The following SNX29 variants were observed in gnomAD, a reference collection of about 807,000 sequenced individuals.
The protein encoded by SNX29 is sorting nexin 29.
In SNX29, 78 loss-of-function variants were observed where a neutral mutation model predicts 102.1. The observed-to-expected ratio is 0.76, with a 90% CI of 0.64 to 0.92. The LOEUF is 0.92. Ranked by LOEUF, SNX29 falls within the 40% of genes least tolerant of loss-of-function variation. The pLI is 0.00. For synonymous variants in SNX29, 580 were observed against 414.5 expected (o/e 1.40, Z -4.85); for missense variants, 1,280 against 1,061.7 (o/e 1.21, Z -2.86).
At chr16:12,214,324 C>G (rs146365230) in intron 14 of SNX29, among the ~76,000 whole-genome samples, 1 of 152,188 alleles carries the variant, frequency 6.6e-6, no homozygotes, top group Non-Finnish European at 1.5e-5. Flanking sequence ...TTATTGTTGT[C>G]GTCATTAACT....
At position 12,569,584 on chromosome 16, in the gene SNX29, C is replaced by T. The variant is rs1237252091; in HGVS notation, c.*955C>T. 5 of 230,266 alleles carry T rather than the reference C, an allele frequency of 2.2e-5. No homozygotes were observed. Among genetic ancestry groups the T allele is most frequent in the Admixed American group, 5.7e-5 (1 of 17,650 alleles). 14.3% of individuals were successfully genotyped at this position (230,266 alleles called of 1,614,324 possible). A position where few individuals can be genotyped will look rare whatever the true frequency, so the allele number is the denominator to read the frequency against. ...GTGTCTCTCCACTAAAAACATTTTCCATCCCGTCTGCCCCCGACATTGTCC... is the reference window on the plus strand; with the variant it reads ...GTGTCTCTCCACTAAAAACATTTTCTATCCCGTCTGCCCCCGACATTGTCC... On this transcript the variant is annotated 3_prime_UTR_variant, in exon 21 of 21. Transcript: ENST00000566228.
chr16:12,055,760 C>T (rs945264898), intron 8 of SNX29, among the ~76,000 whole-genome samples: 1 of 152,120 alleles, frequency 6.6e-6, no homozygotes, highest in Non-Finnish European at 1.5e-5. Flanking sequence ...ATCTGGTTCA[C>T]CCAGAATCTA....
chr16:12,093,248 C>T (rs758893479), intron 11 of SNX29, among the ~76,000 whole-genome samples: 8 of 152,190 alleles, frequency 5.3e-5, no homozygotes, highest in Non-Finnish European at 1.2e-4. Context: ...TCAGTGATCA[C>T]GGCAAGTTGA....
In SNX29 at chr16:12,572,679, G is replaced by C. The variant is rs2079213072; in HGVS notation, c.*4050G>C. 9.4e-7 allele frequency: 1 copy of C among 1,063,820 alleles called. No homozygotes were observed. Among genetic ancestry groups the C allele is most frequent in the Admixed American group, 5.4e-5 (1 of 18,690 alleles). The allele number at this position is 1,063,820 out of a possible 1,614,324, so 65.9% of individuals were successfully genotyped here. On this transcript the variant is annotated 3_prime_UTR_variant, in exon 21 of 21. Transcript: ENST00000566228. ...GTGTGAGCTGCAGCACCCACACGGGGGAAGCCCTGCACTCCAGCAGCATCT... is the reference window on the plus strand; with the variant it reads ...GTGTGAGCTGCAGCACCCACACGGGCGAAGCCCTGCACTCCAGCAGCATCT...
rs566972088 is a variant in SNX29 at position 12,570,426 on chromosome 16, C to G, written c.*1797C>G. The G allele has an allele frequency of 2.0e-5, 5 of 251,592 alleles. No individual in the cohort carries two copies. Among genetic ancestry groups the G allele is most frequent in the South Asian group, 1.7e-4 (1 of 5,904 alleles). 15.6% of individuals were successfully genotyped at this position (251,592 alleles called of 1,614,324 possible). A position where few individuals can be genotyped will look rare whatever the true frequency, so the allele number is the denominator to read the frequency against. On this transcript the variant is annotated 3_prime_UTR_variant, in exon 21 of 21. Coordinates refer to ENST00000566228, the MANE Select transcript of SNX29 (RefSeq NM_032167.5). ...ACATCAGCTCACATGACTGGCAACT[C>G]TAAATAGAGAGCCCTAATGGACTGA...
chr16:12,406,768 C>T (rs1390559977), intron 18 of SNX29, among the ~76,000 whole-genome samples: 3 of 152,246 alleles, frequency 2.0e-5, no homozygotes, highest in African/African-American at 7.2e-5. Context: ...ATTAGCTGAG[C>T]GTTGCTGTTG....
intron 11 of SNX29, chr16:12,087,501 G>A (rs1181401596): frequency 4.0e-6 from 1 of 248,200 alleles, no homozygotes; most frequent in East Asian, 9.8e-5. Flanking sequence ...GGAGAATGAG[G>A]CAGGAGGATT....
At chr16:12,551,152 C>T (rs553937837) in intron 20 of SNX29, among the ~76,000 whole-genome samples, 4 of 152,122 alleles carry the variant, frequency 2.6e-5, no homozygotes, top group African/African-American at 4.8e-5. Context: ...AGGAGAATCT[C>T]AGAAAACCCT....
intron 20 of SNX29, chr16:12,546,602 G>A (rs1420311720): frequency 6.6e-6 from 1 of 152,176 alleles, no homozygotes; most frequent in Non-Finnish European, 1.5e-5. Context: ...GATAATACAG[G>A]TGGAACATAA....
intron 20 of SNX29, among the ~76,000 whole-genome samples, chr16:12,555,077 G>T (rs141175186): frequency 7.2e-5 from 11 of 151,926 alleles, no homozygotes; most frequent in Non-Finnish European, 1.6e-4. Flanking sequence ...GTGGGGAGGT[G>T]GAGGAAAAGT....
At chr16:12,453,790 C>A (rs2086410272) in intron 18 of SNX29, among the ~76,000 whole-genome samples, 1 of 152,048 alleles carries the variant, frequency 6.6e-6, no homozygotes, top group Non-Finnish European at 1.5e-5. Flanking sequence ...ATCTTTTCAG[C>A]TGTATTTGTT....
rs762098522 is a variant in SNX29, at chr16:12,440,255, C to A, written c.2037+36726C>A. Among the ~76,000 whole-genome samples, 18 of 152,252 alleles carry A rather than the reference C, an allele frequency of 1.2e-4. 1 individual carries two copies. In the South Asian group the frequency reaches 2.3e-3, roughly 19 times the overall value. ...AGATATTCACAAACCATAAAACTCA[C>A]CTTTTCAAAGTGTACGATTCAGTCA... On this transcript the variant is annotated intron_variant, in intron 18 of 20. Coordinates refer to ENST00000566228, the MANE Select transcript of SNX29 (RefSeq NM_032167.5).
chr16:12,535,241 C>T (rs118106197), intron 20 of SNX29, among the ~76,000 whole-genome samples: 6,407 of 152,252 alleles, frequency 0.042, 158 homozygotes, highest in Middle Eastern at 0.1. Flanking sequence ...TGGGCTCAAG[C>T]GACTTTTGTG....
chr16:12,500,763 G>A (rs1476526331), intron 19 of SNX29, among the ~76,000 whole-genome samples: 1 of 152,238 alleles, frequency 6.6e-6, no homozygotes, highest in Non-Finnish European at 1.5e-5. Flanking sequence ...GAATCTGCAT[G>A]TTCACAGGCC....
chr16:12,326,256 T>G (rs1674710570), intron 15 of SNX29, among the ~76,000 whole-genome samples: 1 of 151,836 alleles, frequency 6.6e-6, no homozygotes, highest in South Asian at 2.1e-4. Flanking sequence ...TCAGGTGATC[T>G]GCCCGCCTTG....
intron 20 of SNX29, among the ~76,000 whole-genome samples, chr16:12,565,318 T>G (rs900531358): frequency 6.6e-6 from 1 of 152,208 alleles, no homozygotes; most frequent in Non-Finnish European, 1.5e-5. Context: ...AAGTCCACTG[T>G]GCTCAGCAGT....
rs775503675 is a variant in SNX29, at chr16:12,169,325, G to A, written c.1596-30276G>A. On this transcript the variant is annotated intron_variant, in intron 13 of 20. Coordinates refer to ENST00000566228, the MANE Select transcript of SNX29 (RefSeq NM_032167.5). ...CGCCGCCTGGTTTGTTCATGGCCCC[G>A]TGAGGCTGTGACACTGAAACAAGCC... Among the ~76,000 whole-genome samples the A allele has an allele frequency of 5.3e-5, 8 of 152,148 alleles. No homozygotes were observed. In the South Asian group the frequency reaches 1.2e-3, roughly 24 times the overall value.
intron 16 of SNX29, among the ~76,000 whole-genome samples, chr16:12,385,528 C>T (rs1054039075): frequency 2.6e-5 from 4 of 152,190 alleles, no homozygotes; most frequent in Non-Finnish European, 4.4e-5. Flanking sequence ...CACTCAGGGC[C>T]CTCACCCGGA....
At chr16:12,428,563 G>A (rs2085179433) in intron 18 of SNX29, among the ~76,000 whole-genome samples, 2 of 152,184 alleles carry the variant, frequency 1.3e-5, no homozygotes, top group South Asian at 4.1e-4. Flanking sequence ...AGATATGATT[G>A]CAATTAATAT....
Sources: allele counts gnomAD v4.1 joint callset (sites outside exome capture counted in the v4.1 genomes callset), GRCh38; gene constraint gnomAD v4.1.1; transcripts MANE v1.5; gene names NCBI Gene and HGNC (gene_info 2026-07-23, HGNC 2026-07-21).